Variants in MYH15 observed in about 807,000 individuals in gnomAD.
The protein encoded by MYH15 is myosin-15.
MYH15 carries 227 observed loss-of-function variants against 240.5 expected under a neutral mutation model. That is an observed-to-expected ratio of 0.94 (90% CI 0.85 to 1.05). MYH15 has a LOEUF of 1.05. Among genes scored for constraint, MYH15 ranks in the 50% least tolerant of loss-of-function variants. The probability of loss-of-function intolerance (pLI) is 0.00; values close to 1 mark genes in which losing one functional copy is unlikely to be tolerated. For synonymous variants in MYH15, 785 were observed against 796.7 expected (o/e 0.99, Z 0.25); for missense variants, 2,217 against 2,247.5 (o/e 0.99, Z 0.27).
At chr3:108,466,843 C>T (rs920902435) in intron 14 of MYH15, among the ~76,000 whole-genome samples, 2 of 152,166 alleles carry the variant, frequency 1.3e-5, no homozygotes, top group Non-Finnish European at 2.9e-5. Flanking sequence ...CTGGTCTCAT[C>T]TGTCTAGTGT....
chr3:108,540,364 T>G, the MYH15 span, among the ~76,000 whole-genome samples: 1 of 152,206 alleles, frequency 6.6e-6, no homozygotes, highest in Non-Finnish European at 1.5e-5. Flanking sequence ...AAATGCCAGA[T>G]GATGGCTGCT....
chr3:108,462,011 A>G (rs944116544), intron 16 of MYH15: 3 of 152,140 alleles, frequency 2.0e-5, no homozygotes, highest in Non-Finnish European at 4.4e-5. Flanking sequence ...GGCTGGCTAG[A>G]TTATCTATTT....
At chr3:108,530,594 G>A (rs1461448454), upstream of MYH15, among the ~76,000 whole-genome samples, 1 of 152,168 alleles carries the variant, frequency 6.6e-6, no homozygotes, top group Non-Finnish European at 1.5e-5. Context: ...ATAATAATGT[G>A]TCAACGTAGG....
chr3:108,467,439 GACT>G (rs2107585101), intron 14 of MYH15, among the ~76,000 whole-genome samples: 1 of 152,076 alleles, frequency 6.6e-6, no homozygotes, highest in East Asian at 1.9e-4. Flanking sequence ...TGATACTATT[GACT>G]ACTAACATGA....
intron 40 of MYH15, among the ~76,000 whole-genome samples, chr3:108,382,376 C>G (rs2107530243): frequency 6.6e-6 from 1 of 152,286 alleles, no homozygotes; most frequent in South Asian, 2.1e-4. Flanking sequence ...ATAACCAACT[C>G]TTAGGCTCTC....
upstream of MYH15, among the ~76,000 whole-genome samples, chr3:108,534,265 C>T (rs533500163): frequency 6.6e-6 from 1 of 152,176 alleles, no homozygotes; most frequent in South Asian, 2.1e-4. Flanking sequence ...ATAATAAAAC[C>T]CAATGTCAGC....
chr3:108,381,665 A>G lies in MYH15; in HGVS notation c.5767-106T>C, dbSNP rs563516912. On this transcript the variant is annotated intron_variant, in intron 40 of 40. Coordinates refer to ENST00000693548, the MANE Select transcript of MYH15 (RefSeq NM_014981.3). Reference sequence around the variant, plus strand: ...TCCCTTCCAGAGGTAAGCAGGCCTTAGCCAACTCTTCATTAACTTCAAAGG... The same window carrying G: ...TCCCTTCCAGAGGTAAGCAGGCCTTGGCCAACTCTTCATTAACTTCAAAGG... 2.6e-4 allele frequency: 327 copies of G among 1,238,052 alleles called. 8 individuals carry two copies. In the South Asian group the frequency reaches 3.8e-3, roughly 14 times the overall value. The allele number at this position is 1,238,052 out of a possible 1,614,324, so 76.7% of individuals were successfully genotyped here.
chr3:108,500,214 T>G lies in MYH15; in HGVS notation c.400A>C (p.Lys134Gln). ...NPYKWLPVYQKEVMAAYKGKR... is the reference protein window; with the variant it reads ...NPYKWLPVYQQEVMAAYKGKR... Reference sequence around the variant, plus strand: ...CCTTTGTAGGCGGCCATGACTTCTTTCTGATACACGGGAAGCCATTTGTAA... The same window carrying G: ...CCTTTGTAGGCGGCCATGACTTCTTGCTGATACACGGGAAGCCATTTGTAA... Residue 134 changes from lysine to glutamine, a missense_variant, in exon 4 of 41, where the codon AAA (lysine) becomes CAA (glutamine). Transcript: ENST00000693548. The G allele has an allele frequency of 6.2e-7, 1 of 1,614,088 alleles. No homozygotes were observed. The highest frequency in any genetic ancestry group is 8.5e-7 in the Non-Finnish European group (1 of 1,179,950).
chr3:108,470,044 T>C lies in MYH15; in HGVS notation c.1552A>G (p.Lys518Glu), dbSNP rs768484232. Residue 518 changes from lysine (K) to glutamate (E), a missense_variant and splice_region_variant, in exon 14 of 41, where the codon AAG becomes GAG. Lys to Glu is a moderately conservative substitution (Grantham distance 56, BLOSUM62 1). Coordinates refer to ENST00000693548, the MANE Select transcript of MYH15 (RefSeq NM_014981.3). The stretch of plus-strand genomic sequence containing the variant: ...ACAAAGAGAAAAACATATATTACCT[T>C]CTCAATGAGATCTATGCAAGCTTGC... ...DLQACIDLIE[K>E]PMGILSILEE... is the part of the protein sequence containing the mutation. 1 of 1,591,872 alleles carries C rather than the reference T, an allele frequency of 6.3e-7. No homozygotes were observed. Among genetic ancestry groups the C allele is most frequent in the African/African-American group, 1.4e-5 (1 of 72,778 alleles).
intron 18 of MYH15, among the ~76,000 whole-genome samples, chr3:108,457,286 G>T (rs1427566286): frequency 6.6e-6 from 1 of 152,166 alleles, no homozygotes; most frequent in Admixed American, 6.5e-5. Context: ...CGTGCAGGAG[G>T]GGGAAGGGAT....
Position 108,500,196 on chromosome 3 carries a change from A to T in MYH15, c.418T>A (p.Tyr140Asn), listed in dbSNP as rs2083425445. 1 of 1,614,058 alleles carries T rather than the reference A, an allele frequency of 6.2e-7. No homozygotes were observed. Among genetic ancestry groups the T allele is most frequent in the East Asian group, 2.2e-5 (1 of 44,886 alleles). The change falls in exon 4 of 41, where the codon TAC becomes AAC. Residue 140 changes from tyrosine to asparagine, a missense_variant. Physicochemically the swap from Tyr to Asn is moderately radical, Grantham distance 143. Transcript: ENST00000693548. Reference protein sequence around the residue: ...PVYQKEVMAAYKGKRRSEAPP... With the variant: ...PVYQKEVMAANKGKRRSEAPP... ...GCCTCTGATCGCCTCTTCCCTTTGT[A>T]GGCGGCCATGACTTCTTTCTGATAC...
chr3:108,505,768 C>G lies in MYH15; in HGVS notation c.150G>C (p.Gly50=). ...CAATTACTGTTCCATCATCTTCACT[C>G]CCTTTTACCTCAGCCTCGATATAAG... is the stretch of plus-strand genomic sequence containing the variant. ...ENAYIEAEVK[G]SEDDGTVIVE... Residue 50 remains glycine (G), a synonymous_variant, in exon 2 of 41, where the codon GGG becomes GGC. Coordinates refer to ENST00000693548, the MANE Select transcript of MYH15 (RefSeq NM_014981.3). 1 of 1,613,520 alleles carries G rather than the reference C, an allele frequency of 6.2e-7. No individual in the cohort carries two copies. Among genetic ancestry groups the G allele is most frequent in the South Asian group, 1.1e-5 (1 of 91,004 alleles).
At chr3:108,431,686 T>C (rs2082780598) in intron 25 of MYH15, among the ~76,000 whole-genome samples, 1 of 152,062 alleles carries the variant, frequency 6.6e-6, no homozygotes, top group Non-Finnish European at 1.5e-5. Flanking sequence ...TACCCAAAAA[T>C]GTGGAAGCGA....
intron 27 of MYH15, among the ~76,000 whole-genome samples, chr3:108,426,741 A>G (rs1425792103): frequency 6.6e-6 from 1 of 152,146 alleles, no homozygotes; most frequent in Non-Finnish European, 1.5e-5. Context: ...CCAGACTTGT[A>G]GAGCCACCAG....
At chr3:108,539,187 A>C in the MYH15 span, among the ~76,000 whole-genome samples, 1 of 152,300 alleles carries the variant, frequency 6.6e-6, no homozygotes, top group African/African-American at 2.4e-5. Context: ...CAATTTAATA[A>C]ATTTAGAAAA....
chr3:108,422,526 G>A (rs1240085261), intron 27 of MYH15, among the ~76,000 whole-genome samples: 3 of 152,120 alleles, frequency 2.0e-5, no homozygotes, highest in South Asian at 2.1e-4. Flanking sequence ...CTGCCCCATC[G>A]TGGGTGATGA....
the MYH15 span, among the ~76,000 whole-genome samples, chr3:108,538,030 G>GA: frequency 6.6e-6 from 1 of 152,106 alleles, no homozygotes; most frequent in Non-Finnish European, 1.5e-5. Context: ...TGTCATTTCT[G>GA]AAAGGCCTGG....
Position 108,389,010 on chromosome 3 carries a change from G to C in MYH15, c.5495C>G (p.Ala1832Gly). The C allele has an allele frequency of 6.2e-7, 1 of 1,613,712 alleles. No homozygotes were observed. The highest frequency in any genetic ancestry group is 8.5e-7 in the Non-Finnish European group (1 of 1,179,810). Residue 1832 changes from alanine to glycine, a missense_variant, in exon 38 of 41, where the codon GCC (alanine) becomes GGC (glycine). By Grantham distance (60) the Ala-to-Gly change is moderately conservative (BLOSUM62 0). Transcript: ENST00000693548. Reference protein sequence around the residue: ...IRRSAEAQRGARRLERCIKEL... With the variant: ...IRRSAEAQRGGRRLERCIKEL... ...TTTGATGCATCGCTCAAGTCTGCGG[G>C]CTCCCCTCTGGGCCTCTGCACTGCG...
rs2082707768 is a variant in MYH15, at chr3:108,424,105, T to C, written c.3703-2891A>G. 3.9e-5 allele frequency among the ~76,000 whole-genome samples: 6 copies of C among 152,286 alleles called. No homozygotes were observed. The South Asian group carries it at 1.2e-3, about 32-fold the overall frequency. ...TGTGCTTAGGGTGAAAAAGCACGGATCTCTACAAGACAACTTAGTCAATGG... is the reference window on the plus strand; with the variant it reads ...TGTGCTTAGGGTGAAAAAGCACGGACCTCTACAAGACAACTTAGTCAATGG... On this transcript the variant is annotated intron_variant, in intron 27 of 40. Coordinates refer to ENST00000693548, the MANE Select transcript of MYH15 (RefSeq NM_014981.3).
Sources: allele counts gnomAD v4.1 joint callset (sites outside exome capture counted in the v4.1 genomes callset), GRCh38; gene constraint gnomAD v4.1.1; transcripts MANE v1.5; gene names NCBI Gene and HGNC (gene_info 2026-07-23, HGNC 2026-07-21).